Variants in RMST observed in about 807,000 individuals in gnomAD.
RMST encodes the protein long intergenic non-protein coding RNA 54.
chr12:97,532,088 T>A (rs1881675517), intron 11 of RMST, among the ~76,000 whole-genome samples: 1 of 151,978 alleles, frequency 6.6e-6, no homozygotes, highest in Admixed American at 6.6e-5. Context: ...TTGGTGGAAA[T>A]TTGACTTAAC....
intron 5 of RMST, among the ~76,000 whole-genome samples, chr12:97,471,204 A>G (rs1302932995): frequency 6.6e-6 from 1 of 152,148 alleles, no homozygotes; most frequent in Non-Finnish European, 1.5e-5. Flanking sequence ...TAATGTAGAT[A>G]GATATAAATA....
chr12:97,507,510 G>A (rs1041867336), intron 10 of RMST, among the ~76,000 whole-genome samples: 1 of 152,152 alleles, frequency 6.6e-6, no homozygotes, highest in Non-Finnish European at 1.5e-5. Context: ...ATGAGATGGA[G>A]CAGAGAGAGG....
At chr12:97,508,727 T>C (rs944811801) in intron 10 of RMST, among the ~76,000 whole-genome samples, 2 of 152,166 alleles carry the variant, frequency 1.3e-5, no homozygotes, top group African/African-American at 4.8e-5. Flanking sequence ...TTCAGAGCAG[T>C]AGAGGAAATC....
chr12:97,531,177 C>T (rs1881589883), intron 11 of RMST, among the ~76,000 whole-genome samples: 1 of 151,500 alleles, frequency 6.6e-6, no homozygotes. Context: ...TATTGTGTAG[C>T]GTTGGATTTA....
intron 5 of RMST, among the ~76,000 whole-genome samples, chr12:97,475,131 C>T (rs1488323450): frequency 1.3e-5 from 2 of 152,118 alleles, no homozygotes; most frequent in Non-Finnish European, 2.9e-5. Flanking sequence ...ATTGTCTTGT[C>T]CATATCTTGT....
At chr12:97,527,600 A>G (rs1194501163) in intron 10 of RMST, among the ~76,000 whole-genome samples, 1 of 152,178 alleles carries the variant, frequency 6.6e-6, no homozygotes, top group African/African-American at 2.4e-5. Context: ...TCCTATTTTA[A>G]TCTGTTTCCA....
intron 10 of RMST, among the ~76,000 whole-genome samples, chr12:97,513,213 C>T (rs2136524952): frequency 6.6e-6 from 1 of 152,348 alleles, no homozygotes; most frequent in African/African-American, 2.4e-5. Flanking sequence ...TGAAGGGCTC[C>T]TCAAGTGCCA....
chr12:97,512,706 G>C (rs1453871850), intron 10 of RMST, among the ~76,000 whole-genome samples: 2 of 152,238 alleles, frequency 1.3e-5, no homozygotes, highest in South Asian at 2.1e-4. Flanking sequence ...CCAGACTCAG[G>C]AGCCCAGCGG....
intron 5 of RMST, among the ~76,000 whole-genome samples, chr12:97,477,601 C>T (rs79366801): frequency 3.3e-5 from 5 of 152,036 alleles, no homozygotes; most frequent in Non-Finnish European, 5.9e-5. Flanking sequence ...AAAAACTGGT[C>T]ATAGGTTTTG....
chr12:97,484,457 G>C (rs182265987), intron 5 of RMST, among the ~76,000 whole-genome samples: 1 of 152,250 alleles, frequency 6.6e-6, no homozygotes, highest in Admixed American at 6.5e-5. Context: ...ATTAACAACA[G>C]CATCTTTAGC....
chr12:97,487,959 C>T (rs1434878007), intron 5 of RMST, among the ~76,000 whole-genome samples: 1 of 152,226 alleles, frequency 6.6e-6, no homozygotes, highest in Non-Finnish European at 1.5e-5. Flanking sequence ...TCAACCGTCT[C>T]CTTCTACCCC....
chr12:97,524,073 C>A (rs1221871739), intron 10 of RMST, among the ~76,000 whole-genome samples: 1 of 6,890 alleles, frequency 1.5e-4, no homozygotes. Flanking sequence ...GAGACTCTGT[C>A]TCAAAAAAAA....
At chr12:97,542,310 A>C (rs1380804051) in intron 11 of RMST, among the ~76,000 whole-genome samples, 1 of 151,908 alleles carries the variant, frequency 6.6e-6, no homozygotes, top group African/African-American at 2.4e-5. Flanking sequence ...TTCTCCACTC[A>C]AGGGATATAC....
At chr12:97,538,557 CATA>C (rs911571658) in intron 11 of RMST, among the ~76,000 whole-genome samples, 10 of 151,218 alleles carry the variant, frequency 6.6e-5, no homozygotes, top group African/African-American at 2.4e-4. Context: ...GTGCTTAATG[CATA>C]ATAAGTCTCC....
At chr12:97,470,587 T>A (rs1197266616) in intron 5 of RMST, among the ~76,000 whole-genome samples, 1 of 152,084 alleles carries the variant, frequency 6.6e-6, no homozygotes, top group East Asian at 1.9e-4. Context: ...TATTAATATA[T>A]GCAATACATT....
intron 11 of RMST, among the ~76,000 whole-genome samples, chr12:97,540,415 C>G (rs1882411934): frequency 6.6e-6 from 1 of 151,736 alleles, no homozygotes; most frequent in Non-Finnish European, 1.5e-5. Context: ...GGTTTATTGT[C>G]TGACCGAAGG....
In RMST at chr12:97,518,077, G is replaced by T. The variant is rs118100840; in HGVS notation, n.1341-12578G>T. ...TTATTTTTATTTCTCTGAATGGTTAGAATTGAGTAAGACCTTCTGAAAATG... is the reference window on the plus strand; with the variant it reads ...TTATTTTTATTTCTCTGAATGGTTATAATTGAGTAAGACCTTCTGAAAATG... On this transcript the variant is annotated intron_variant and non_coding_transcript_variant, in intron 10 of 13. Coordinates refer to ENST00000640149, the Ensembl canonical transcript of RMST. Among the ~76,000 whole-genome samples, 226 of 152,204 alleles carry T rather than the reference G, an allele frequency of 1.5e-3. 3 individuals are homozygous for T. In the East Asian group the frequency reaches 0.038, roughly 25 times the overall value.
intron 10 of RMST, among the ~76,000 whole-genome samples, chr12:97,506,733 G>A (rs1449304404): frequency 1.4e-5 from 2 of 147,742 alleles, no homozygotes; most frequent in Non-Finnish European, 3.0e-5. Flanking sequence ...ACCCAGGGTG[G>A]AGTGCAATGG....
intron 5 of RMST, chr12:97,465,823 TAA>T (rs2136373220): frequency 6.6e-6 from 1 of 152,240 alleles, no homozygotes; most frequent in East Asian, 1.9e-4. Context: ...TATAATTATT[TAA>T]AATTTGATTT....
Sources: allele counts gnomAD v4.1 joint callset (sites outside exome capture counted in the v4.1 genomes callset), GRCh38; gene constraint gnomAD v4.1.1; transcripts MANE v1.5; gene names NCBI Gene and HGNC (gene_info 2026-07-23, HGNC 2026-07-21).